Variants in MCMDC2 observed in about 807,000 individuals in gnomAD.
MCMDC2 encodes the protein minichromosome maintenance domain containing 2, also known as minichromosome maintenance domain-containing protein 2.
In MCMDC2, 54 loss-of-function variants were observed where a neutral mutation model predicts 75.8. That is an observed-to-expected ratio of 0.71 (90% confidence interval 0.57 to 0.89). The LOEUF is 0.89. Ranked by LOEUF, MCMDC2 falls within the 40% of genes least tolerant of loss-of-function variation. The probability of loss-of-function intolerance (pLI) is 0.00; values close to 1 mark genes in which losing one functional copy is unlikely to be tolerated. For missense variants in MCMDC2, 656 were observed against 780.4 expected, an observed-to-expected ratio of 0.84 and a Z score of 1.90; for synonymous variants, 249 against 274.6, an observed-to-expected ratio of 0.91 and a Z score of 0.92.
intron 10 of MCMDC2, among the ~76,000 whole-genome samples, chr8:66,895,476 AC>A (rs1208927603): frequency 3.4e-5 from 5 of 146,508 alleles, no homozygotes; most frequent in African/African-American, 1.3e-4. Context: ...GTGTCATCAT[AC>A]CTCACTGCAC....
chr8:66,888,595 G>T (rs1171401787), intron 9 of MCMDC2, among the ~76,000 whole-genome samples: 1 of 151,968 alleles, frequency 6.6e-6, no homozygotes, highest in Non-Finnish European at 1.5e-5. Context: ...TTGTTAAATT[G>T]GTTCTAAAAA....
At chr8:66,882,367 T>C (rs1242538890) in intron 8 of MCMDC2, among the ~76,000 whole-genome samples, 1 of 152,062 alleles carries the variant, frequency 6.6e-6, no homozygotes, top group African/African-American at 2.4e-5. Flanking sequence ...TCTTTTTTTT[T>C]CTTTTTTTGT....
At chr8:66,902,692 C>CAAAAAAAAAAAAAAAAA (rs530805303) in intron 13 of MCMDC2, among the ~76,000 whole-genome samples, 1 of 57,230 alleles carries the variant, frequency 1.7e-5, no homozygotes, top group African/African-American at 8.4e-5. Flanking sequence ...GATTCTGTCT[C>CAAAAAAAAAAAAAAAAA]AAAAAAAAAA....
chr8:66,910,734 G>A (rs766938443), intron 14 of MCMDC2, among the ~76,000 whole-genome samples: 56 of 152,074 alleles, frequency 3.7e-4, no homozygotes, highest in Admixed American at 1.5e-3. Flanking sequence ...GCTTGAACCC[G>A]GGAGACGGAG....
Position 66,919,133 on chromosome 8 carries a change from T to C in MCMDC2, c.2010T>C (p.Tyr670=), listed in dbSNP as rs866534576. The C allele has an allele frequency of 1.2e-4, 185 of 1,550,046 alleles. 1 individual carries two copies. In the Admixed American group the frequency reaches 3.6e-3, roughly 30 times the overall value. Residue 670 remains tyrosine, a synonymous_variant, in exon 15 of 15, where the codon TAT becomes TAC. Coordinates refer to ENST00000422365, the MANE Select transcript of MCMDC2 (RefSeq NM_173518.5). ...AGCTGGAACAATTTATTGCCACATA[T>C]GGACCTGGGACAACTATTTTCTCTA... The part of the protein sequence containing the change: ...QQQLEQFIAT[Y]GPGTTIFSSD...
chr8:66,924,940 A>G (rs1813674616), downstream of MCMDC2, among the ~76,000 whole-genome samples: 1 of 152,214 alleles, frequency 6.6e-6, no homozygotes, highest in Non-Finnish European at 1.5e-5. Context: ...AAAGCCACTC[A>G]CAAAGTACGG....
chr8:66,874,287 C>A, intron 2 of MCMDC2, 39 bp from the exon 3 acceptor site: 1 of 1,607,202 alleles, frequency 6.2e-7, no homozygotes, highest in East Asian at 2.2e-5. Context: ...AACTCCTACA[C>A]ATAGCTATCC....
intron 14 of MCMDC2, among the ~76,000 whole-genome samples, chr8:66,917,490 C>G (rs1410971708): frequency 6.6e-6 from 1 of 152,186 alleles, no homozygotes; most frequent in African/African-American, 2.4e-5. Context: ...CACTGTTGGG[C>G]AACCATCACC....
At chr8:66,901,698 G>A (rs957416088) in intron 13 of MCMDC2, 4 of 925,170 alleles carry the variant, frequency 4.3e-6, no homozygotes, top group South Asian at 4.5e-5. Context: ...TTGGGAGTCC[G>A]AGAGGGCAGA....
At chr8:66,884,545 G>A (rs1319971829) in intron 9 of MCMDC2, 1 of 150,920 alleles carries the variant, frequency 6.6e-6, no homozygotes, top group Non-Finnish European at 1.5e-5. Context: ...TTAGTATCTT[G>A]TATGCAAATC....
chr8:66,880,975 G>GTAAGGAAAA lies in MCMDC2; in HGVS notation c.835+3_835+11dup. 1 of 1,497,250 alleles carries GTAAGGAAAA rather than the reference G, an allele frequency of 6.7e-7. No homozygotes were observed. Among genetic ancestry groups the GTAAGGAAAA allele is most frequent in the East Asian group, 2.4e-5 (1 of 41,032 alleles). 92.7% of individuals were successfully genotyped at this position (1,497,250 alleles called of 1,614,324 possible). A position where few individuals can be genotyped will look rare whatever the true frequency, so the allele number is the denominator to read the frequency against. ...AGCATAACTTTTTGTAATTCAAAAG[G>GTAAGGAAAA]TAAGGAAAATTTTAGTATTATATAT... On this transcript the variant is annotated splice_donor_variant, in intron 8 of 14. Coordinates refer to ENST00000422365, the MANE Select transcript of MCMDC2 (RefSeq NM_173518.5). LOFTEE classifies it high-confidence loss of function.
intron 13 of MCMDC2, 50 bp downstream of exon 13, chr8:66,901,398 A>G (rs2358008): frequency 0.9 from 1,418,592 of 1,572,082 alleles, 640,885 homozygotes; most frequent in East Asian, 1. Flanking sequence ...TTCAAATGAT[A>G]TGTTTAATTA....
intron 13 of MCMDC2, among the ~76,000 whole-genome samples, chr8:66,902,575 T>C (rs1812713876): frequency 6.7e-6 from 1 of 150,214 alleles, no homozygotes; most frequent in Admixed American, 6.7e-5. Flanking sequence ...ATGCCTGTAG[T>C]CCCAGCTACT....
chr8:66,913,265 G>C (rs1433551871), intron 14 of MCMDC2, among the ~76,000 whole-genome samples: 2 of 152,162 alleles, frequency 1.3e-5, no homozygotes, highest in Non-Finnish European at 2.9e-5. Context: ...TGCACACTTA[G>C]ACTACAATAT....
At position 66,919,180 on chromosome 8, in the gene MCMDC2, G is replaced by A. The variant is rs1813429422; in HGVS notation, c.*11G>A. 2.0e-6 allele frequency: 3 copies of A among 1,532,350 alleles called. No individual in the cohort carries two copies. The highest frequency in any genetic ancestry group is 1.8e-6 in the Non-Finnish European group (2 of 1,140,424). The allele number at this position is 1,532,350 out of a possible 1,614,324, so 94.9% of individuals were successfully genotyped here. On this transcript the variant is annotated 3_prime_UTR_variant, in exon 15 of 15. Coordinates refer to ENST00000422365, the MANE Select transcript of MCMDC2 (RefSeq NM_173518.5). ...TCTAGTGATGAATAAGCAATTTGAGGAATTTTTGTTCATTCCTACTTAAGC... is the reference window on the plus strand; with the variant it reads ...TCTAGTGATGAATAAGCAATTTGAGAAATTTTTGTTCATTCCTACTTAAGC...
intron 5 of MCMDC2, 87 bp downstream of exon 5, chr8:66,877,631 G>A (rs1811355677): frequency 1.1e-6 from 1 of 928,542 alleles, no homozygotes; most frequent in Non-Finnish European, 1.5e-6. Context: ...TTGGGAAGCT[G>A]AGGAGGGAGG....
intron 10 of MCMDC2, among the ~76,000 whole-genome samples, chr8:66,892,396 C>T (rs1178191904): frequency 3.9e-5 from 6 of 152,218 alleles, no homozygotes; most frequent in African/African-American, 1.4e-4. Context: ...TGCCATTCAA[C>T]AGGTCCCAAG....
chr8:66,891,776 T>G (rs1020535170), intron 10 of MCMDC2, among the ~76,000 whole-genome samples: 1 of 151,782 alleles, frequency 6.6e-6, no homozygotes, highest in Non-Finnish European at 1.5e-5. Context: ...GGTGTGTGAG[T>G]GAGTAAGCAC....
chr8:66,919,332 T>C lies in MCMDC2; in HGVS notation c.*163T>C, dbSNP rs1265762791. On this transcript the variant is annotated 3_prime_UTR_variant, in exon 15 of 15. Coordinates refer to ENST00000422365, the MANE Select transcript of MCMDC2 (RefSeq NM_173518.5). ...ATATAGTCCCCTCAAAACTAATTGC[T>C]AATGGGATAAATACTAATCCAAACC... 6.0e-6 allele frequency: 3 copies of C among 498,458 alleles called. No homozygotes were observed. Among genetic ancestry groups the C allele is most frequent in the Non-Finnish European group, 1.0e-5 (3 of 299,244 alleles). 30.9% of individuals were successfully genotyped at this position (498,458 alleles called of 1,614,324 possible).
Sources: allele counts gnomAD v4.1 joint callset (sites outside exome capture counted in the v4.1 genomes callset), GRCh38; gene constraint gnomAD v4.1.1; transcripts MANE v1.5; gene names NCBI Gene and HGNC (gene_info 2026-07-23, HGNC 2026-07-21).